Variants in BAZ2B observed in about 807,000 individuals in gnomAD.
The protein encoded by BAZ2B is bromodomain adjacent to zinc finger domain 2B, also known as bromodomain adjacent to zinc finger domain protein 2B.
BAZ2B carries 91 observed loss-of-function variants against 246.0 expected under a neutral mutation model. The observed-to-expected ratio is 0.37, with a 90% CI of 0.31 to 0.44. The LOEUF is 0.44. Among genes scored for constraint, BAZ2B ranks in the 20% least tolerant of loss-of-function variants. BAZ2B has a pLI of 1.00. For missense variants in BAZ2B, 2,332 were observed against 2,533.7 expected, an observed-to-expected ratio of 0.92 and a Z score of 1.71; for synonymous variants, 855 against 860.0, an observed-to-expected ratio of 0.99 and a Z score of 0.10.
chr2:159,472,024 A>T (rs1007113945), intron 3 of BAZ2B, among the ~76,000 whole-genome samples: 2 of 152,232 alleles, frequency 1.3e-5, no homozygotes, highest in African/African-American at 4.8e-5. Flanking sequence ...AGGAGCTATA[A>T]TCAGATGAGT....
chr2:159,679,351 CT>C, the BAZ2B span, among the ~76,000 whole-genome samples: 2 of 148,406 alleles, frequency 1.3e-5, no homozygotes, highest in Admixed American at 6.7e-5. Flanking sequence ...AGGTGACATG[CT>C]TTTTTATTGC....
chr2:159,693,905 T>C, the BAZ2B span: 25 of 152,130 alleles, frequency 1.6e-4, no homozygotes, highest in Non-Finnish European at 2.6e-4. Flanking sequence ...TTCAAACTTA[T>C]TTGGAAAGAA....
At chr2:159,630,770 G>A in the BAZ2B span, among the ~76,000 whole-genome samples, 7 of 151,986 alleles carry the variant, frequency 4.6e-5, no homozygotes, top group Admixed American at 1.3e-4. Flanking sequence ...TCCTGACCTC[G>A]TGATCCGCCC....
At chr2:159,524,977 G>GGAGTTCCAGACCAGCCAGA (rs2084571138) in intron 2 of BAZ2B, among the ~76,000 whole-genome samples, 1 of 152,126 alleles carries the variant, frequency 6.6e-6, no homozygotes, top group East Asian at 1.9e-4. Flanking sequence ...CTTGAGCCCA[G>GGAGTTCCAGACCAGCCAGA]GAGTTCCAGA....
the BAZ2B span, among the ~76,000 whole-genome samples, chr2:159,705,990 G>A: frequency 1.3e-5 from 2 of 149,740 alleles, no homozygotes; most frequent in African/African-American, 4.9e-5. Flanking sequence ...AATGAAAAAA[G>A]TTAGATGAAG....
intron 20 of BAZ2B, among the ~76,000 whole-genome samples, chr2:159,392,663 T>C (rs549799521): frequency 6.6e-6 from 1 of 152,314 alleles, no homozygotes; most frequent in African/African-American, 2.4e-5. Flanking sequence ...AGTCTAAGTA[T>C]TGTTCTTACT....
chr2:159,475,524 T>A (rs554256850), intron 3 of BAZ2B, among the ~76,000 whole-genome samples: 7 of 152,326 alleles, frequency 4.6e-5, no homozygotes, highest in African/African-American at 1.7e-4. Context: ...AGGAGTTTGT[T>A]ATTACCCACC....
At chr2:159,318,926 A>C (rs2062393026), downstream of BAZ2B, 1 of 152,380 alleles carries the variant, frequency 6.6e-6, no homozygotes, top group Non-Finnish European at 1.5e-5. Context: ...ATTTAAATTA[A>C]CTGGCTTTTA....
intron 2 of BAZ2B, among the ~76,000 whole-genome samples, chr2:159,501,177 T>A (rs1333067027): frequency 3.1e-5 from 3 of 95,626 alleles, no homozygotes; most frequent in African/African-American, 1.2e-4. Context: ...ATATATATTA[T>A]ATATATTTAT....
chr2:159,469,692 C>T (rs1456264379), intron 3 of BAZ2B, among the ~76,000 whole-genome samples: 2 of 152,050 alleles, frequency 1.3e-5, no homozygotes, highest in African/African-American at 2.4e-5. Context: ...CTGCCTGCCT[C>T]GGCCTCCCAA....
the BAZ2B span, among the ~76,000 whole-genome samples, chr2:159,682,331 C>A: frequency 6.6e-6 from 1 of 151,968 alleles, no homozygotes; most frequent in South Asian, 2.1e-4. Context: ...CAGGCATGGA[C>A]CACCATGCCC....
In BAZ2B at chr2:159,499,260, C is replaced by T. The variant is rs115136929; in HGVS notation, c.-2-20539G>A. ...TTCTCATTATTCAGTTCCACTTACA[C>T]GTGAAAACATGCCATGTTTGATTTT... On this transcript the variant is annotated intron_variant, in intron 2 of 36. Coordinates refer to ENST00000392783, the MANE Select transcript of BAZ2B (RefSeq NM_013450.4). Among the ~76,000 whole-genome samples, 1,013 of 152,242 alleles carry T rather than the reference C, an allele frequency of 6.7e-3. 8 individuals carry two copies. Among genetic ancestry groups the T allele is most frequent in the African/African-American group, 0.023 (965 of 41,542 alleles).
chr2:159,353,799 T>C (rs2058803838), intron 27 of BAZ2B, among the ~76,000 whole-genome samples: 1 of 152,156 alleles, frequency 6.6e-6, no homozygotes, highest in Admixed American at 6.5e-5. Flanking sequence ...CAGGGGATAA[T>C]CAGCCCTAGA....
rs1381052790 is a variant in BAZ2B, at chr2:159,421,700, C to T, written c.2466+6241G>A. Among the ~76,000 whole-genome samples, 7 of 151,820 alleles carry T rather than the reference C, an allele frequency of 4.6e-5. No individual in the cohort carries two copies. In the East Asian group the frequency reaches 7.7e-4, roughly 17 times the overall value. ...ATACATATATAATCATATCTTAAGC[C>T]CAGAAATATCTTGAATCAAAAAATG... On this transcript the variant is annotated intron_variant, in intron 13 of 36. Coordinates refer to ENST00000392783, the MANE Select transcript of BAZ2B (RefSeq NM_013450.4).
At chr2:159,620,287 T>A (rs1696377717), upstream of BAZ2B, among the ~76,000 whole-genome samples, 1 of 152,198 alleles carries the variant, frequency 6.6e-6, no homozygotes, top group Non-Finnish European at 1.5e-5. Context: ...CACTGTTATA[T>A]CTTGTTTCTG....
intron 14 of BAZ2B, among the ~76,000 whole-genome samples, chr2:159,406,002 T>C (rs898113287): frequency 2.0e-5 from 3 of 152,254 alleles, no homozygotes; most frequent in Non-Finnish European, 4.4e-5. Flanking sequence ...ACCTAGTTCT[T>C]ATAATCTTCA....
At chr2:159,364,610 TCCTC>T (rs1383853201) in intron 27 of BAZ2B, among the ~76,000 whole-genome samples, 1 of 152,166 alleles carries the variant, frequency 6.6e-6, no homozygotes, top group African/African-American at 2.4e-5. Context: ...GCTCAACTAA[TCCTC>T]CCACCTCAGC....
At chr2:159,500,461 T>G (rs959041909) in intron 2 of BAZ2B, among the ~76,000 whole-genome samples, 1 of 152,168 alleles carries the variant, frequency 6.6e-6, no homozygotes, top group East Asian at 1.9e-4. Flanking sequence ...TCCCGTGATG[T>G]TCTCTTTGAA....
chr2:159,495,992 A>T (rs1440361261), intron 2 of BAZ2B, among the ~76,000 whole-genome samples: 1 of 150,892 alleles, frequency 6.6e-6, no homozygotes, highest in Non-Finnish European at 1.5e-5. Flanking sequence ...GATGGTCTCG[A>T]TCTCCTGACC....
Sources: gnomAD v4.1 joint callset for allele counts (sites outside exome capture counted in the v4.1 genomes callset) on GRCh38, gnomAD v4.1.1 for gene constraint, MANE v1.5 for transcripts, NCBI Gene and HGNC (gene_info 2026-07-23, HGNC 2026-07-21) for gene names.